The following NEK1 variants were observed in gnomAD, a reference collection of about 807,000 sequenced individuals.
The protein encoded by NEK1 is serine/threonine-protein kinase Nek1.
A neutral mutation model predicts 182.1 loss-of-function variants in NEK1; 137 were observed. That is an observed-to-expected ratio of 0.75 (90% CI 0.65 to 0.87). The LOEUF is 0.87. Ranked by LOEUF, NEK1 falls within the 40% of genes least tolerant of loss-of-function variation. The pLI, the probability that NEK1 is intolerant of heterozygous loss-of-function variation, is 0.00. For missense variants in NEK1, 1,391 were observed against 1,494.4 expected, an observed-to-expected ratio of 0.93 and a Z score of 1.14; for synonymous variants, 513 against 492.2, an observed-to-expected ratio of 1.04 and a Z score of -0.56.
chr4:169,409,334 C>T (rs1282475973), intron 31 of NEK1, among the ~76,000 whole-genome samples: 9 of 152,028 alleles, frequency 5.9e-5, no homozygotes, highest in South Asian at 2.1e-4. Context: ...TTAGTAGAGA[C>T]GGGGTTTCAC....
At chr4:169,556,254 T>C (rs560496018) in intron 16 of NEK1, among the ~76,000 whole-genome samples, 159 bp from the exon 17 acceptor site, 1 of 152,330 alleles carries the variant, frequency 6.6e-6, no homozygotes, top group South Asian at 2.1e-4. Context: ...CAAAATGTTT[T>C]CCTATTATAA....
intron 12 of NEK1, among the ~76,000 whole-genome samples, chr4:169,566,543 T>A (rs1339559785): frequency 6.6e-6 from 1 of 151,124 alleles, no homozygotes; most frequent in Non-Finnish European, 1.5e-5. Flanking sequence ...ACAGAGCCTT[T>A]AAAAAAAAAC....
intron 29 of NEK1, among the ~76,000 whole-genome samples, chr4:169,427,800 T>C (rs566954578): frequency 6.6e-6 from 1 of 150,380 alleles, no homozygotes; most frequent in Middle Eastern, 3.8e-3. Flanking sequence ...CCAGCCTCTG[T>C]TTTTTATTTT....
At chr4:169,589,372 A>G in intron 7 of NEK1, 75 bp downstream of exon 7, 1 of 833,904 alleles carries the variant, frequency 1.2e-6, no homozygotes, top group South Asian at 1.6e-5. Flanking sequence ...ACCATAAATT[A>G]TCACATATAC....
At chr4:169,399,236 C>CTCCA (rs1731227574) in intron 35 of NEK1, among the ~76,000 whole-genome samples, 1 of 151,084 alleles carries the variant, frequency 6.6e-6, no homozygotes, top group South Asian at 2.1e-4. Flanking sequence ...CAGAGCAAGA[C>CTCCA]TCCATCTCAC....
At chr4:169,573,006 C>G (rs1166691832) in intron 12 of NEK1, among the ~76,000 whole-genome samples, 1 of 152,108 alleles carries the variant, frequency 6.6e-6, no homozygotes, top group Non-Finnish European at 1.5e-5. Flanking sequence ...AGGGAAAGTT[C>G]CTTTTTAAAA....
At chr4:169,599,328 G>A (rs1294133077) in intron 4 of NEK1, 131 bp from the exon 5 acceptor site, 2 of 605,032 alleles carry the variant, frequency 3.3e-6, no homozygotes, top group East Asian at 5.6e-5. Flanking sequence ...AAAGAATTAG[G>A]GCACAAAGTC....
chr4:169,424,836 T>C (rs756453185), intron 30 of NEK1, 36 bp from the exon 31 acceptor site: 6 of 1,545,684 alleles, frequency 3.9e-6, no homozygotes, highest in East Asian at 2.3e-5. Flanking sequence ...GGTAAGTCTA[T>C]ACAGTACTTA....
chr4:169,592,568 T>C (rs913873170), intron 5 of NEK1, among the ~76,000 whole-genome samples: 32 of 152,210 alleles, frequency 2.1e-4, no homozygotes, highest in African/African-American at 5.8e-4. Context: ...GAAGGAAGCA[T>C]AGAAGGATAG....
In NEK1 at chr4:169,561,992, GTT is replaced by G. The variant is rs34452581; in HGVS notation, c.1081-103_1081-102del. The G allele has an allele frequency of 0.07, 64,753 of 923,086 alleles. 1,928 individuals are homozygous for G. The highest frequency in any genetic ancestry group is 0.16 in the African/African-American group (9,197 of 57,146). 57.2% of individuals were successfully genotyped at this position (923,086 alleles called of 1,614,324 possible). A position where few individuals can be genotyped will look rare whatever the true frequency, so the allele number is the denominator to read the frequency against. ...CAATGGCAGAGGTATGTTCAATGAG[GTT>G]TTTTTTTTAAAAAAAAAAAGAAGTT... On this transcript the variant is annotated intron_variant, in intron 13 of 35. Coordinates refer to ENST00000507142, the MANE Select transcript of NEK1 (RefSeq NM_001199397.3).
chr4:169,495,175 T>G (rs1479243899), intron 23 of NEK1, among the ~76,000 whole-genome samples: 4 of 151,652 alleles, frequency 2.6e-5, no homozygotes, highest in Admixed American at 2.6e-4. Context: ...CATGTCTATG[T>G]ACTGAATGGT....
At chr4:169,592,232 C>G (rs1174251608) in intron 5 of NEK1, among the ~76,000 whole-genome samples, 1 of 152,004 alleles carries the variant, frequency 6.6e-6, no homozygotes, top group Non-Finnish European at 1.5e-5. Context: ...TCAAATTTAT[C>G]CTACAAATAA....
chr4:169,522,031 T>C (rs2149752659), intron 19 of NEK1, among the ~76,000 whole-genome samples: 1 of 152,344 alleles, frequency 6.6e-6, no homozygotes, highest in South Asian at 2.1e-4. Context: ...TTTTGTATTG[T>C]CCTATAAATT....
chr4:169,601,863 G>T, intron 4 of NEK1, 145 bp downstream of exon 4: 1 of 587,468 alleles, frequency 1.7e-6, no homozygotes, highest in Non-Finnish European at 3.0e-6. Flanking sequence ...ATGCAGGCAT[G>T]ATATCAGTAT....
At chr4:169,575,379 C>T (rs1385101081) in intron 12 of NEK1, among the ~76,000 whole-genome samples, 1 of 152,210 alleles carries the variant, frequency 6.6e-6, no homozygotes, top group Non-Finnish European at 1.5e-5. Context: ...ACTGCAAAGG[C>T]AGAAGCTTCT....
intron 35 of NEK1, among the ~76,000 whole-genome samples, chr4:169,399,439 T>C (rs903911056): frequency 1.3e-5 from 2 of 151,090 alleles, no homozygotes; most frequent in African/African-American, 4.9e-5. Context: ...TAGTCAGGTG[T>C]GGTGGCGCAC....
chr4:169,489,145 T>C (rs982215346), intron 23 of NEK1, among the ~76,000 whole-genome samples: 2 of 152,164 alleles, frequency 1.3e-5, no homozygotes, highest in Non-Finnish European at 2.9e-5. Flanking sequence ...TGGAATATCA[T>C]GAGACACAGA....
intron 26 of NEK1, among the ~76,000 whole-genome samples, chr4:169,474,051 G>C (rs1401950383): frequency 6.6e-6 from 1 of 152,042 alleles, no homozygotes; most frequent in Non-Finnish European, 1.5e-5. Context: ...TTTTAGAAAT[G>C]GGGTGATAGC....
intron 23 of NEK1, among the ~76,000 whole-genome samples, chr4:169,481,308 T>G (rs1019088996): frequency 6.6e-6 from 1 of 152,210 alleles, no homozygotes; most frequent in Non-Finnish European, 1.5e-5. Context: ...TCAAAAAAGT[T>G]CTGAATGGCA....
Sources: gnomAD v4.1 joint callset for allele counts (sites outside exome capture counted in the v4.1 genomes callset) on GRCh38, gnomAD v4.1.1 for gene constraint, MANE v1.5 for transcripts, NCBI Gene and HGNC (gene_info 2026-07-23, HGNC 2026-07-21) for gene names.